Variants in SLC44A1 observed in about 807,000 individuals in gnomAD.
SLC44A1 encodes the protein solute carrier family 44 member 1, also known as choline transporter-like protein 1.
A neutral mutation model predicts 79.3 loss-of-function variants in SLC44A1; 26 were observed. The observed-to-expected ratio is 0.33, with a 90% confidence interval of 0.24 to 0.46. The LOEUF (loss-of-function observed/expected upper bound fraction) is 0.46. Among genes scored for constraint, SLC44A1 ranks in the 20% least tolerant of loss-of-function variants. The pLI is 1.00. For synonymous variants in SLC44A1, 263 were observed against 286.2 expected (o/e 0.92, Z 0.82); for missense variants, 688 against 798.1 (o/e 0.86, Z 1.66).
intron 12 of SLC44A1, among the ~76,000 whole-genome samples, chr9:105,372,011 A>G (rs1054827867): frequency 1.3e-5 from 2 of 151,900 alleles, no homozygotes; most frequent in Non-Finnish European, 2.9e-5. Flanking sequence ...TAGAAGATGG[A>G]AAAAAAACAC....
chr9:105,408,024 G>A (rs543094088), intron 15 of SLC44A1, among the ~76,000 whole-genome samples: 22 of 151,898 alleles, frequency 1.4e-4, no homozygotes, highest in Admixed American at 3.3e-4. Context: ...AAAATTAGCT[G>A]GCATAGTGGT....
intron 13 of SLC44A1, among the ~76,000 whole-genome samples, chr9:105,379,354 T>A (rs912415253): frequency 1.3e-5 from 2 of 152,058 alleles, no homozygotes; most frequent in East Asian, 3.9e-4. Context: ...GGAGGGGAAA[T>A]AGCTGTAAAA....
At chr9:105,328,607 C>T (rs1826654522) in intron 3 of SLC44A1, among the ~76,000 whole-genome samples, 1 of 152,094 alleles carries the variant, frequency 6.6e-6, no homozygotes, top group Non-Finnish European at 1.5e-5. Flanking sequence ...GCTTCCTCTG[C>T]AGTTTAAAGT....
At chr9:105,404,233 C>CAAAAAAAAA (rs71489339) in intron 15 of SLC44A1, among the ~76,000 whole-genome samples, 1 of 44,450 alleles carries the variant, frequency 2.2e-5, no homozygotes, top group African/African-American at 6.6e-5. Context: ...GGACTCATCT[C>CAAAAAAAAA]AAAAAAAAAA....
At chr9:105,364,446 T>C in intron 9 of SLC44A1, 109 bp from the exon 10 acceptor site, 2 of 824,126 alleles carry the variant, frequency 2.4e-6, no homozygotes, top group Non-Finnish European at 3.9e-6. Flanking sequence ...ACCACACAGA[T>C]CAGAAGGTTT....
At chr9:105,337,191 C>T (rs1471399649) in intron 4 of SLC44A1, among the ~76,000 whole-genome samples, 1 of 152,066 alleles carries the variant, frequency 6.6e-6, no homozygotes, top group East Asian at 1.9e-4. Context: ...TGTGAGTATA[C>T]TCTGACAAGT....
chr9:105,373,819 A>T (rs893376353), intron 12 of SLC44A1, among the ~76,000 whole-genome samples: 1 of 152,238 alleles, frequency 6.6e-6, no homozygotes, highest in Non-Finnish European at 1.5e-5. Flanking sequence ...GAACCTATGG[A>T]AGAGAAAGAA....
chr9:105,351,654 G>GAAAGAAAGAAAGAAAGAAAGAA (rs1827446829), intron 5 of SLC44A1, among the ~76,000 whole-genome samples: 2 of 149,384 alleles, frequency 1.3e-5, no homozygotes, highest in Non-Finnish European at 3.0e-5. Context: ...AAGAAAGAAA[G>GAAAGAAAGAAAGAAAGAAAGAA]AAAGAAAGAA....
chr9:105,336,134 A>ATGTGTGTGTGTGTGTGTGTG (rs35324360), intron 4 of SLC44A1, among the ~76,000 whole-genome samples: 9 of 144,988 alleles, frequency 6.2e-5, no homozygotes, highest in African/African-American at 2.0e-4. Context: ...GTGTGTGTGC[A>ATGTGTGTGTGTGTGTGTGTG]TGTGTGTGTG....
intron 1 of SLC44A1, among the ~76,000 whole-genome samples, chr9:105,279,442 C>T (rs1220582397): frequency 6.6e-6 from 1 of 151,632 alleles, no homozygotes; most frequent in African/African-American, 2.4e-5. Context: ...CTCAGCCTCC[C>T]GAGTAGCTGG....
intron 3 of SLC44A1, among the ~76,000 whole-genome samples, chr9:105,311,141 A>C (rs919882583): frequency 3.9e-5 from 6 of 152,202 alleles, no homozygotes; most frequent in African/African-American, 1.4e-4. Context: ...TCATGAAACT[A>C]ATGCAAATTT....
At chr9:105,411,592 A>T (rs1231647663) in intron 15 of SLC44A1, among the ~76,000 whole-genome samples, 1 of 151,736 alleles carries the variant, frequency 6.6e-6, no homozygotes, top group East Asian at 1.9e-4. Flanking sequence ...AGGATCACAC[A>T]TTGCATTTCA....
At chr9:105,261,319 C>G (rs896376928) in intron 1 of SLC44A1, among the ~76,000 whole-genome samples, 1 of 152,086 alleles carries the variant, frequency 6.6e-6, no homozygotes, top group Admixed American at 6.5e-5. Context: ...TCTGCCACAC[C>G]GCCTTCCCCC....
intron 13 of SLC44A1, among the ~76,000 whole-genome samples, chr9:105,377,207 G>C (rs1828316923): frequency 6.6e-6 from 1 of 152,120 alleles, no homozygotes; most frequent in Non-Finnish European, 1.5e-5. Flanking sequence ...ACTAAGCCAT[G>C]TTTTTTATTA....
chr9:105,391,022 A>T lies in SLC44A1; in HGVS notation c.*1966A>T. 2 of 985,730 alleles carry T rather than the reference A, an allele frequency of 2.0e-6. No individual in the cohort carries two copies. The highest frequency in any genetic ancestry group is 1.2e-6 in the Non-Finnish European group (1 of 829,796). The allele number at this position is 985,730 out of a possible 1,614,324, so 61.1% of individuals were successfully genotyped here. ...GAAAATTCAGAATACCATCTGTTTC[A>T]TAGCCGCACAGATTTTGGACTTTCA... On this transcript the variant is annotated 3_prime_UTR_variant, in exon 16 of 16. Transcript: ENST00000374720.
intron 1 of SLC44A1, among the ~76,000 whole-genome samples, chr9:105,264,437 G>T (rs765691695): frequency 1.7e-4 from 26 of 152,322 alleles, no homozygotes; most frequent in Non-Finnish European, 3.1e-4. Context: ...GAAGTGCAGG[G>T]ATTACAGGCG....
At chr9:105,306,021 C>T (rs1318449812) in intron 2 of SLC44A1, among the ~76,000 whole-genome samples, 1 of 152,008 alleles carries the variant, frequency 6.6e-6, no homozygotes, top group Non-Finnish European at 1.5e-5. Flanking sequence ...TGCCTCTGAC[C>T]CACCATCCCT....
At chr9:105,249,555 G>A (rs979754447) in intron 1 of SLC44A1, among the ~76,000 whole-genome samples, 4 of 150,352 alleles carry the variant, frequency 2.7e-5, no homozygotes, top group Admixed American at 2.0e-4. Flanking sequence ...CCAGAGTTTG[G>A]CTCTCATCGC....
chr9:105,278,243 C>CTATTTATTTATT lies in SLC44A1; in HGVS notation c.37-20965_37-20954dup, dbSNP rs577449203. On this transcript the variant is annotated intron_variant, in intron 1 of 15. Coordinates refer to ENST00000374720, the MANE Select transcript of SLC44A1 (RefSeq NM_080546.5). ...GCCTGGCTAATTTTTTTTTCTTTTTCTATTTATTTATTTATTTATTTATGA... is the reference window on the plus strand; with the variant it reads ...GCCTGGCTAATTTTTTTTTCTTTTTCTATTTATTTATTTATTTATTTATTTATTTATTTATGA... Among the ~76,000 whole-genome samples, 120 of 149,774 alleles carry CTATTTATTTATT rather than the reference C, an allele frequency of 8.0e-4. 1 individual carries two copies. Among genetic ancestry groups the CTATTTATTTATT allele is most frequent in the African/African-American group, 2.9e-3 (118 of 40,832 alleles).
Sources: allele counts gnomAD v4.1 joint callset (sites outside exome capture counted in the v4.1 genomes callset), GRCh38; gene constraint gnomAD v4.1.1; transcripts MANE v1.5; gene names NCBI Gene and HGNC (gene_info 2026-07-23, HGNC 2026-07-21).